ADAMTS6: variants seen among roughly 807,000 people sequenced by gnomAD.
ADAMTS6 encodes A disintegrin and metalloproteinase with thrombospondin motifs 6.
ADAMTS6 carries 23 observed loss-of-function variants against 144.3 expected under a neutral mutation model. That is an observed-to-expected ratio of 0.16 (90% confidence interval 0.11 to 0.23). The LOEUF is 0.23. Among genes scored for constraint, ADAMTS6 ranks in the 10% least tolerant of loss-of-function variants. The probability of loss-of-function intolerance (pLI) is 1.00; values close to 1 mark genes in which losing one functional copy is unlikely to be tolerated. For synonymous variants in ADAMTS6, 444 were observed against 457.5 expected (o/e 0.97, Z 0.38); for missense variants, 999 against 1,379.6 (o/e 0.72, Z 4.37).
intron 7 of ADAMTS6, among the ~76,000 whole-genome samples, chr5:65,357,400 C>T (rs1244505004): frequency 6.6e-6 from 1 of 150,970 alleles, no homozygotes; most frequent in East Asian, 1.9e-4. Context: ...GCAATAGATA[C>T]ATTAAGAATA....
rs939387262 is a variant in ADAMTS6 at position 65,481,436 on chromosome 5, T to A, written c.-373A>T. 3.3e-5 allele frequency: 5 copies of A among 152,132 alleles called. No homozygotes were observed. The highest frequency in any genetic ancestry group is 1.2e-4 in the African/African-American group (5 of 41,440). The allele number at this position is 152,132 out of a possible 1,614,324, so 9.4% of individuals were successfully genotyped here. ...TACTCCCTCTCCTCTCTAACTTTTT[T>A]TAATTTTTTTTATTTTTTTATTTTT... On this transcript the variant is annotated 5_prime_UTR_variant, in exon 1 of 25. Coordinates refer to ENST00000381055, the MANE Select transcript of ADAMTS6 (RefSeq NM_197941.4).
chr5:65,410,145 AG>A (rs1401547157), intron 7 of ADAMTS6, among the ~76,000 whole-genome samples: 1 of 152,232 alleles, frequency 6.6e-6, no homozygotes, highest in Non-Finnish European at 1.5e-5. Flanking sequence ...CACATCAAAA[AG>A]AAAAGTTGGG....
Position 65,328,286 on chromosome 5 carries a change from C to T in ADAMTS6, c.1223+1092G>A, listed in dbSNP as rs574757574. On this transcript the variant is annotated intron_variant, in intron 9 of 24. Transcript: ENST00000381055. Reference sequence around the variant, plus strand: ...AACTACAGATTTACCTCAGGAATTACCTCTGAGGTAAGTATATAAAAAACA... The same window carrying T: ...AACTACAGATTTACCTCAGGAATTATCTCTGAGGTAAGTATATAAAAAACA... 5.9e-5 allele frequency among the ~76,000 whole-genome samples: 9 copies of T among 152,096 alleles called. No individual in the cohort carries two copies. In the South Asian group the frequency reaches 1.9e-3, roughly 32 times the overall value.
At chr5:65,305,137 A>G (rs576875135) in intron 9 of ADAMTS6, among the ~76,000 whole-genome samples, 2 of 152,342 alleles carry the variant, frequency 1.3e-5, no homozygotes, top group East Asian at 1.9e-4. Flanking sequence ...GAGATCAGAA[A>G]AATATTATGG....
intron 7 of ADAMTS6, among the ~76,000 whole-genome samples, chr5:65,436,339 T>C (rs564024259): frequency 4.1e-4 from 62 of 152,100 alleles, no homozygotes; most frequent in Non-Finnish European, 7.2e-4. Context: ...AATTAAAGGA[T>C]TGAAGGCCAC....
In ADAMTS6 at chr5:65,452,231, A is replaced by T; in HGVS notation, c.844-15T>A. On this transcript the variant is annotated splice_polypyrimidine_tract_variant and intron_variant, in intron 5 of 24. Coordinates refer to ENST00000381055, the MANE Select transcript of ADAMTS6 (RefSeq NM_197941.4). ...AGTTTGGCAACCTGACCTCCAGAAA[A>T]TAAGAAAAGACACAAAGTCAGACAA... is the stretch of plus-strand genomic sequence containing the variant. 1 of 1,609,178 alleles carries T rather than the reference A, an allele frequency of 6.2e-7. No homozygotes were observed. The highest frequency in any genetic ancestry group is 1.1e-5 in the South Asian group (1 of 90,488).
intron 7 of ADAMTS6, among the ~76,000 whole-genome samples, chr5:65,374,992 A>G (rs1209060481): frequency 6.6e-6 from 1 of 152,228 alleles, no homozygotes; most frequent in African/African-American, 2.4e-5. Context: ...CAAACCTTAG[A>G]AAAACAAGCA....
intron 22 of ADAMTS6, among the ~76,000 whole-genome samples, chr5:65,175,272 G>C (rs1753898965): frequency 6.6e-6 from 1 of 151,814 alleles, no homozygotes; most frequent in African/African-American, 2.4e-5. Flanking sequence ...GAGAGAGAGA[G>C]AGAGAGAGAA....
chr5:65,220,511 G>A (rs965094690), intron 18 of ADAMTS6, among the ~76,000 whole-genome samples: 2 of 152,090 alleles, frequency 1.3e-5, no homozygotes, highest in South Asian at 2.1e-4. Flanking sequence ...TTGGGAGGCC[G>A]AAGGGCGGGT....
Position 65,214,371 on chromosome 5 carries a change from C to T in ADAMTS6, c.2575+423G>A. 1 of 328,912 alleles carries T rather than the reference C, an allele frequency of 3.0e-6. No homozygotes were observed. Among genetic ancestry groups the T allele is most frequent in the Non-Finnish European group, 5.9e-6 (1 of 169,306 alleles). The allele number at this position is 328,912 out of a possible 1,614,324, so 20.4% of individuals were successfully genotyped here. ...TTTGAATAGGATTGTGGCAAACACACAGGCACACAAACACACACAACAAGC... is the reference window on the plus strand; with the variant it reads ...TTTGAATAGGATTGTGGCAAACACATAGGCACACAAACACACACAACAAGC... On this transcript the variant is annotated intron_variant, in intron 20 of 24. Coordinates refer to ENST00000381055, the MANE Select transcript of ADAMTS6 (RefSeq NM_197941.4). This position sits in a 1 kb window ranked among gnomAD's most constrained non-coding sequence, Gnocchi z 4.6.
chr5:65,156,329 A>C (rs1463270716), intron 24 of ADAMTS6, among the ~76,000 whole-genome samples: 1 of 152,138 alleles, frequency 6.6e-6, no homozygotes, highest in African/African-American at 2.4e-5. Context: ...AAAACAAAAC[A>C]AAACAAACAA....
intron 23 of ADAMTS6, among the ~76,000 whole-genome samples, chr5:65,172,586 A>G (rs956103905): frequency 1.3e-5 from 2 of 152,178 alleles, no homozygotes; most frequent in Admixed American, 6.6e-5. Flanking sequence ...TTTAACCACA[A>G]TGGATCTGAA....
chr5:65,174,931 C>T (rs1177825147), intron 22 of ADAMTS6, among the ~76,000 whole-genome samples: 1 of 152,030 alleles, frequency 6.6e-6, no homozygotes, highest in Admixed American at 6.6e-5. Context: ...TACTATGACA[C>T]CAGGAAAACT....
At chr5:65,337,757 C>T (rs1747443297) in intron 7 of ADAMTS6, among the ~76,000 whole-genome samples, 1 of 152,172 alleles carries the variant, frequency 6.6e-6, no homozygotes, top group Non-Finnish European at 1.5e-5. Flanking sequence ...ATTCACTCTA[C>T]ATCCCATCAA....
intron 8 of ADAMTS6, among the ~76,000 whole-genome samples, chr5:65,330,041 A>C (rs1746571139): frequency 1.3e-5 from 2 of 152,140 alleles, no homozygotes; most frequent in African/African-American, 4.8e-5. Flanking sequence ...ATCTCAAATT[A>C]ATCCTGACAG....
chr5:65,451,924 C>T (rs920308736), intron 6 of ADAMTS6, among the ~76,000 whole-genome samples: 6 of 152,062 alleles, frequency 3.9e-5, no homozygotes, highest in Non-Finnish European at 8.8e-5. Context: ...TGAAACATAG[C>T]TAATCTATAT....
intron 22 of ADAMTS6, among the ~76,000 whole-genome samples, chr5:65,179,432 C>A (rs191975557): frequency 7.2e-5 from 11 of 152,148 alleles, no homozygotes; most frequent in African/African-American, 2.7e-4. Flanking sequence ...ATAAATGATA[C>A]AAGTAAGGTG....
At chr5:65,456,912 A>G (rs1759254488) in intron 4 of ADAMTS6, among the ~76,000 whole-genome samples, 1 of 152,238 alleles carries the variant, frequency 6.6e-6, no homozygotes, top group Admixed American at 6.5e-5. Flanking sequence ...ATATCTGAAT[A>G]TAAGATAAAT....
intron 21 of ADAMTS6, among the ~76,000 whole-genome samples, chr5:65,193,500 A>G (rs1473814792): frequency 6.6e-6 from 1 of 152,102 alleles, no homozygotes; most frequent in East Asian, 1.9e-4. Flanking sequence ...GCAGTCCCAT[A>G]TATGCAAAAT....
Sources: allele counts gnomAD v4.1 joint callset (sites outside exome capture counted in the v4.1 genomes callset), GRCh38; gene constraint gnomAD v4.1.1; non-coding constraint Gnocchi (gnomAD v3.1); transcripts MANE v1.5; gene names NCBI Gene and HGNC (gene_info 2026-07-23, HGNC 2026-07-21).